The following MED27 variants were observed in gnomAD, a reference collection of about 807,000 sequenced individuals.
The protein encoded by MED27 is mediator of RNA polymerase II transcription subunit 27.
MED27 carries 30 observed loss-of-function variants against 38.2 expected under a neutral mutation model. The observed-to-expected ratio is 0.79, with a 90% CI of 0.59 to 1.07. MED27 has a LOEUF of 1.07. Ranked by LOEUF, MED27 falls within the 50% of genes least tolerant of loss-of-function variation. MED27 has a pLI of 0.00. For synonymous variants in MED27, 122 were observed against 153.5 expected (o/e 0.79, Z 1.52); for missense variants, 289 against 397.5 (o/e 0.73, Z 2.32).
intron 4 of MED27, among the ~76,000 whole-genome samples, chr9:131,914,722 C>T (rs541094363): frequency 6.6e-6 from 1 of 152,294 alleles, no homozygotes; most frequent in South Asian, 2.1e-4. Flanking sequence ...AGTGACACTG[C>T]ACAAGTGGCA....
chr9:131,908,471 G>A (rs943135666), intron 4 of MED27, among the ~76,000 whole-genome samples: 3 of 152,220 alleles, frequency 2.0e-5, no homozygotes, highest in African/African-American at 7.2e-5. Flanking sequence ...GAAATCGGAT[G>A]GGTGCCGTGT....
In MED27 at chr9:131,917,047, T is replaced by C. The variant is rs1830304448; in HGVS notation, c.573+22334A>G. ...TGGAGAAGGGTGCCATAGGCAGAAATGCAGGTACAAAGCATAAAAGCACCA... is the reference window on the plus strand; with the variant it reads ...TGGAGAAGGGTGCCATAGGCAGAAACGCAGGTACAAAGCATAAAAGCACCA... On this transcript the variant is annotated intron_variant, in intron 4 of 7. Coordinates refer to ENST00000292035, the MANE Select transcript of MED27 (RefSeq NM_004269.4). The surrounding 1 kb of genome is among the most constrained non-coding windows in gnomAD (Gnocchi z 4.6). Among the ~76,000 whole-genome samples the C allele has an allele frequency of 6.6e-6, 1 of 152,064 alleles. No individual in the cohort carries two copies. Among genetic ancestry groups the C allele is most frequent in the South Asian group, 2.1e-4 (1 of 4,816 alleles).
chr9:132,013,804 C>A (rs192489719), intron 3 of MED27, among the ~76,000 whole-genome samples: 4 of 152,156 alleles, frequency 2.6e-5, no homozygotes, highest in Non-Finnish European at 1.5e-5. Context: ...AAGTCACATA[C>A]AAAATATGTA....
At chr9:131,929,521 C>A (rs1173329210) in intron 4 of MED27, among the ~76,000 whole-genome samples, 1 of 152,160 alleles carries the variant, frequency 6.6e-6, no homozygotes, top group East Asian at 1.9e-4. Flanking sequence ...GGCGTGGCAG[C>A]ATTCACCACA....
At chr9:131,931,521 C>T (rs1478891980) in intron 4 of MED27, among the ~76,000 whole-genome samples, 2 of 152,078 alleles carry the variant, frequency 1.3e-5, no homozygotes, top group East Asian at 1.9e-4. Flanking sequence ...AGTGAACTAA[C>T]TCCAATCAAA....
chr9:132,016,244 T>C (rs1485276195), intron 2 of MED27, among the ~76,000 whole-genome samples: 2 of 152,196 alleles, frequency 1.3e-5, no homozygotes, highest in East Asian at 1.9e-4. Context: ...AAAGTGGCTA[T>C]AAAAATGAGG....
chr9:132,068,474 C>T (rs1265833935), intron 2 of MED27, among the ~76,000 whole-genome samples: 1 of 152,116 alleles, frequency 6.6e-6, no homozygotes, highest in Non-Finnish European at 1.5e-5. Context: ...AAAGGGTAGA[C>T]TACAGGCCAG....
intron 4 of MED27, among the ~76,000 whole-genome samples, chr9:131,910,854 T>C (rs1830174835): frequency 6.6e-6 from 1 of 152,204 alleles, no homozygotes; most frequent in Non-Finnish European, 1.5e-5. Flanking sequence ...AGGATCGTTC[T>C]GCATTTTCCT....
intron 4 of MED27, among the ~76,000 whole-genome samples, chr9:131,910,190 A>T (rs1830161963): frequency 6.6e-6 from 1 of 152,082 alleles, no homozygotes; most frequent in Non-Finnish European, 1.5e-5. Flanking sequence ...TACCACCTCT[A>T]CCCCTATATT....
Position 131,862,694 on chromosome 9 carries a change from C to T in MED27, c.801+369G>A, listed in dbSNP as rs889994872. 3.9e-5 allele frequency among the ~76,000 whole-genome samples: 6 copies of T among 152,304 alleles called. No individual in the cohort carries two copies. The East Asian group carries it at 5.8e-4, about 15-fold the overall frequency. ...CAACTCCGAAAATCGAAGGAGGAAACGTCTTGGGAAACTGCACGATCTGTT... is the reference window on the plus strand; with the variant it reads ...CAACTCCGAAAATCGAAGGAGGAAATGTCTTGGGAAACTGCACGATCTGTT... On this transcript the variant is annotated intron_variant, in intron 7 of 7. Transcript: ENST00000292035. This position sits in a 1 kb window ranked among gnomAD's most constrained non-coding sequence, Gnocchi z 4.6.
At chr9:131,998,486 A>T (rs993047117) in intron 3 of MED27, among the ~76,000 whole-genome samples, 2 of 152,172 alleles carry the variant, frequency 1.3e-5, no homozygotes, top group African/African-American at 2.4e-5. Context: ...AAATGAGGGT[A>T]GAAAGGAGAT....
intron 4 of MED27, among the ~76,000 whole-genome samples, chr9:131,931,692 A>G (rs1830590701): frequency 6.6e-6 from 1 of 152,204 alleles, no homozygotes. Context: ...TGGAAACCAA[A>G]AGAGAGCAGG....
At chr9:132,042,021 G>C (rs1321528047) in intron 2 of MED27, among the ~76,000 whole-genome samples, 3 of 152,230 alleles carry the variant, frequency 2.0e-5, no homozygotes, top group Non-Finnish European at 4.4e-5. Flanking sequence ...GCACTGCAGA[G>C]AACCAGGGGA....
intron 3 of MED27, among the ~76,000 whole-genome samples, chr9:131,980,431 G>A (rs551573549): frequency 3.9e-5 from 6 of 152,240 alleles, no homozygotes; most frequent in East Asian, 1.9e-4. Context: ...TCTAGTATTC[G>A]CGAGAGCTGA....
At chr9:131,998,617 G>A (rs1411729618) in intron 3 of MED27, among the ~76,000 whole-genome samples, 1 of 152,134 alleles carries the variant, frequency 6.6e-6, no homozygotes. Flanking sequence ...TCAATAAACT[G>A]CACTGAATTA....
intron 1 of MED27, among the ~76,000 whole-genome samples, chr9:132,078,189 A>C (rs1457741824): frequency 6.6e-6 from 1 of 152,200 alleles, no homozygotes; most frequent in Non-Finnish European, 1.5e-5. Flanking sequence ...AAAGCGAGCC[A>C]ACAAGAGCAC....
At chr9:131,876,714 G>T (rs1210820011) in intron 6 of MED27, among the ~76,000 whole-genome samples, 4 of 152,072 alleles carry the variant, frequency 2.6e-5, no homozygotes, top group Non-Finnish European at 4.4e-5. Flanking sequence ...GGATGCCCTG[G>T]GACCGTCTGC....
At chr9:131,900,371 C>T (rs1829917543) in intron 4 of MED27, among the ~76,000 whole-genome samples, 1 of 152,182 alleles carries the variant, frequency 6.6e-6, no homozygotes, top group African/African-American at 2.4e-5. Context: ...AGTCACAAGA[C>T]AGGAAAGGAA....
intron 2 of MED27, among the ~76,000 whole-genome samples, chr9:132,075,029 C>T (rs1834014943): frequency 6.6e-6 from 1 of 152,152 alleles, no homozygotes; most frequent in Admixed American, 6.5e-5. Context: ...GTTAAGAATC[C>T]ATGTACCATG....
Sources: allele counts gnomAD v4.1 joint callset (sites outside exome capture counted in the v4.1 genomes callset), GRCh38; gene constraint gnomAD v4.1.1; non-coding constraint Gnocchi (gnomAD v3.1); transcripts MANE v1.5; gene names NCBI Gene and HGNC (gene_info 2026-07-23, HGNC 2026-07-21).